The following NEDD4L variants were observed in gnomAD, a reference collection of about 807,000 sequenced individuals.
The protein encoded by NEDD4L is E3 ubiquitin-protein ligase NEDD4-like.
In NEDD4L, 54 loss-of-function variants were observed where a neutral mutation model predicts 148.9. The ratio of observed to expected loss-of-function variants is 0.36; its 90% CI spans 0.29 to 0.45. The LOEUF is 0.45. Among genes scored for constraint, NEDD4L ranks in the 20% least tolerant of loss-of-function variants. The probability of loss-of-function intolerance (pLI) is 1.00; values close to 1 mark genes in which losing one functional copy is unlikely to be tolerated. For synonymous variants in NEDD4L, 433 were observed against 440.7 expected (o/e 0.98, Z 0.22); for missense variants, 856 against 1,233.8 (o/e 0.69, Z 4.59).
chr18:58,290,504 G>A (rs1371866977), intron 5 of NEDD4L, among the ~76,000 whole-genome samples: 1 of 152,172 alleles, frequency 6.6e-6, no homozygotes, highest in African/African-American at 2.4e-5. Flanking sequence ...ATAAACAACA[G>A]TGGCTAGGCT....
At chr18:58,224,120 G>A (rs915874659) in intron 2 of NEDD4L, among the ~76,000 whole-genome samples, 16 of 152,206 alleles carry the variant, frequency 1.1e-4, no homozygotes, top group African/African-American at 2.4e-5. Flanking sequence ...TAGAATACAT[G>A]GAAAACGCAC....
intron 1 of NEDD4L, among the ~76,000 whole-genome samples, chr18:58,110,410 A>G (rs1257139219): frequency 2.0e-5 from 3 of 152,220 alleles, no homozygotes; most frequent in Non-Finnish European, 2.9e-5. Context: ...AGAGGGTGGG[A>G]TGCTCCCTGC....
chr18:58,137,869 G>C (rs182782483), intron 1 of NEDD4L, among the ~76,000 whole-genome samples: 6 of 152,286 alleles, frequency 3.9e-5, no homozygotes, highest in African/African-American at 9.6e-5. Context: ...GCCCAGCTTT[G>C]TCTTTTTCTT....
intron 2 of NEDD4L, among the ~76,000 whole-genome samples, chr18:58,202,752 G>A (rs1181216146): frequency 6.6e-6 from 1 of 152,056 alleles, no homozygotes; most frequent in Non-Finnish European, 1.5e-5. Flanking sequence ...TTCATCCTTC[G>A]CCATTTGTCT....
chr18:58,321,022 C>G (rs1293887433), intron 6 of NEDD4L, among the ~76,000 whole-genome samples: 2 of 152,108 alleles, frequency 1.3e-5, no homozygotes, highest in East Asian at 3.8e-4. Context: ...TTTTGAGAGC[C>G]TCCATAGTTT....
At chr18:58,109,575 T>TTTTTG (rs1340718224) in intron 1 of NEDD4L, among the ~76,000 whole-genome samples, 6 of 146,810 alleles carry the variant, frequency 4.1e-5, no homozygotes, top group South Asian at 2.2e-4. Flanking sequence ...TTTTTTTGTT[T>TTTTTG]TTTTTTTTTT....
Position 58,256,968 on chromosome 18 carries a change from A to G in NEDD4L, c.297+4914A>G, listed in dbSNP as rs757506187. 2.6e-5 allele frequency among the ~76,000 whole-genome samples: 4 copies of G among 152,152 alleles called. No homozygotes were observed. The highest frequency in any genetic ancestry group is 4.4e-5 in the Non-Finnish European group (3 of 68,028). Reference sequence around the variant, plus strand: ...TGGTGCGCAAAACACCATTTCTGCAAATGTCTTCTGTAGGTCCTCAAAGTC... The same window carrying G: ...TGGTGCGCAAAACACCATTTCTGCAGATGTCTTCTGTAGGTCCTCAAAGTC... On this transcript the variant is annotated intron_variant, in intron 5 of 30. Coordinates refer to ENST00000400345, the MANE Select transcript of NEDD4L (RefSeq NM_001144967.3). The surrounding 1 kb of genome is among the most constrained non-coding windows in gnomAD (Gnocchi z 5.2).
chr18:58,056,528 T>C (rs1460680779), intron 1 of NEDD4L, among the ~76,000 whole-genome samples: 1 of 152,218 alleles, frequency 6.6e-6, no homozygotes, highest in African/African-American at 2.4e-5. Context: ...CCTGGCTCTT[T>C]CCAGGGCTTC....
At chr18:58,381,937 G>T (rs1449298510) in intron 24 of NEDD4L, among the ~76,000 whole-genome samples, 1 of 152,168 alleles carries the variant, frequency 6.6e-6, no homozygotes. Context: ...TGGGAAGATG[G>T]CAGCTAGAAA....
chr18:58,304,573 C>T (rs964166799), intron 5 of NEDD4L, among the ~76,000 whole-genome samples: 1 of 152,182 alleles, frequency 6.6e-6, no homozygotes, highest in African/African-American at 2.4e-5. Context: ...ATATCAATGA[C>T]TGTGCAAGAT....
intron 23 of NEDD4L, 23 bp from the exon 24 acceptor site, chr18:58,373,151 T>G (rs1052030978): frequency 5.1e-6 from 7 of 1,371,848 alleles, no homozygotes; most frequent in Middle Eastern, 3.5e-4. Context: ...ATGCTGAATT[T>G]TCACTCCTGT....
chr18:58,329,876 C>T (rs890670529), intron 10 of NEDD4L, among the ~76,000 whole-genome samples: 1 of 152,104 alleles, frequency 6.6e-6, no homozygotes, highest in Non-Finnish European at 1.5e-5. Flanking sequence ...AACCATGTCT[C>T]ATTAAATGAC....
intron 2 of NEDD4L, among the ~76,000 whole-genome samples, chr18:58,233,881 C>T (rs1474408796): frequency 2.0e-5 from 3 of 152,214 alleles, no homozygotes; most frequent in East Asian, 1.9e-4. Flanking sequence ...TTGCCAGCAG[C>T]GTTCTCTGTT....
At position 58,178,191 on chromosome 18, in the gene NEDD4L, G is replaced by C. The variant is rs187107107; in HGVS notation, c.122+12330G>C. The stretch of plus-strand genomic sequence containing the variant: ...GGAGTGTCAGTGTTATTTTGTCATG[G>C]TTTCCAGATTAAACTCTTTCATATT... On this transcript the variant is annotated intron_variant, in intron 2 of 30. Coordinates refer to ENST00000400345, the MANE Select transcript of NEDD4L (RefSeq NM_001144967.3). Among the ~76,000 whole-genome samples the C allele has an allele frequency of 9.1e-4, 138 of 152,286 alleles. 2 individuals are homozygous for C. Among genetic ancestry groups the C allele is most frequent in the Non-Finnish European group, 1.5e-3 (99 of 68,030 alleles).
intron 5 of NEDD4L, among the ~76,000 whole-genome samples, chr18:58,274,977 C>T (rs946272302): frequency 9.8e-5 from 15 of 152,308 alleles, no homozygotes; most frequent in African/African-American, 3.1e-4. Context: ...TCACAATAAG[C>T]AGTATCAGTT....
chr18:58,116,177 C>T (rs889372292), intron 1 of NEDD4L, among the ~76,000 whole-genome samples: 2 of 152,216 alleles, frequency 1.3e-5, no homozygotes, highest in South Asian at 2.1e-4. Flanking sequence ...TTGATTACAG[C>T]GCTTCTTCCA....
chr18:58,349,756 T>G, intron 17 of NEDD4L, 142 bp downstream of exon 17: 1 of 666,194 alleles, frequency 1.5e-6, no homozygotes, highest in South Asian at 1.9e-5. Context: ...CAGAATTGGG[T>G]GTTTAGCTGA....
intron 1 of NEDD4L, among the ~76,000 whole-genome samples, chr18:58,088,183 CA>C (rs2083866237): frequency 6.6e-6 from 1 of 152,174 alleles, no homozygotes; most frequent in Non-Finnish European, 1.5e-5. Context: ...TTCAGGAGAC[CA>C]GGGGAAAGCT....
chr18:58,316,126 A>C, intron 6 of NEDD4L, 94 bp downstream of exon 6: 1 of 1,023,454 alleles, frequency 9.8e-7, no homozygotes, highest in Non-Finnish European at 1.5e-6. Context: ...TTTCTTCACC[A>C]CGGTGAAGAA....
Sources: gnomAD v4.1 joint callset for allele counts (sites outside exome capture counted in the v4.1 genomes callset) on GRCh38, gnomAD v4.1.1 for gene constraint, Gnocchi (gnomAD v3.1) non-coding constraint, MANE v1.5 for transcripts, NCBI Gene and HGNC (gene_info 2026-07-23, HGNC 2026-07-21) for gene names.